The following CADPS2 variants were observed in gnomAD, a reference collection of about 807,000 sequenced individuals.
CADPS2 encodes the protein calcium dependent secretion activator 2, also known as calcium-dependent secretion activator 2.
In CADPS2, 93 loss-of-function variants were observed where a neutral mutation model predicts 172.5. The observed-to-expected ratio is 0.54, with a 90% CI of 0.46 to 0.64. The LOEUF (loss-of-function observed/expected upper bound fraction) is 0.64, where lower values mean the gene tolerates loss of function less well. Among genes scored for constraint, CADPS2 ranks in the 30% least tolerant of loss-of-function variants. The pLI, the probability that CADPS2 is intolerant of heterozygous loss-of-function variation, is 0.00. For synonymous variants in CADPS2, 546 were observed against 555.2 expected (o/e 0.98, Z 0.23); for missense variants, 1,420 against 1,565.9 (o/e 0.91, Z 1.57).
At chr7:122,857,890 T>C (rs1815754981) in intron 1 of CADPS2, among the ~76,000 whole-genome samples, 1 of 152,164 alleles carries the variant, frequency 6.6e-6, no homozygotes, top group Non-Finnish European at 1.5e-5. Context: ...TTGCAGTGGG[T>C]TCGTGGTCTT....
At chr7:122,341,308 T>C (rs2036751364) in intron 28 of CADPS2, among the ~76,000 whole-genome samples, 1 of 152,196 alleles carries the variant, frequency 6.6e-6, no homozygotes, top group Admixed American at 6.5e-5. Context: ...ACTTAGAAAT[T>C]ACTATACTGA....
chr7:122,393,599 G>A lies in CADPS2; in HGVS notation c.2747-17C>T. 6.2e-7 allele frequency: 1 copy of A among 1,613,482 alleles called. No individual in the cohort carries two copies. On this transcript the variant is annotated splice_polypyrimidine_tract_variant and intron_variant, in intron 20 of 29. Coordinates refer to ENST00000449022, the MANE Select transcript of CADPS2 (RefSeq NM_017954.11). Reference sequence around the variant, plus strand: ...ACAAAAGTGCTGAAATAGCCAAGCAGAAACAGTGTTTGTCAGAGGGATAAT... The same window carrying A: ...ACAAAAGTGCTGAAATAGCCAAGCAAAAACAGTGTTTGTCAGAGGGATAAT...
intron 20 of CADPS2, among the ~76,000 whole-genome samples, chr7:122,397,909 C>T (rs1285713029): frequency 6.6e-6 from 1 of 152,086 alleles, no homozygotes; most frequent in African/African-American, 2.4e-5. Context: ...TGATTACCGC[C>T]TGAGGGGAAA....
chr7:122,596,920 G>A (rs1264732977), intron 6 of CADPS2, among the ~76,000 whole-genome samples: 3 of 151,986 alleles, frequency 2.0e-5, no homozygotes, highest in African/African-American at 7.2e-5. Flanking sequence ...TGGAAGACTG[G>A]GTGTCCAGTG....
chr7:122,496,611 ATTTG>A (rs1446885481), intron 9 of CADPS2, among the ~76,000 whole-genome samples: 1 of 151,794 alleles, frequency 6.6e-6, no homozygotes, highest in Non-Finnish European at 1.5e-5. Context: ...CATTTTTATG[ATTTG>A]TTTTTTATGT....
At position 122,328,132 on chromosome 7, in the gene CADPS2, G is replaced by GACACACACACAC. The variant is rs71159790; in HGVS notation, c.3613-2563_3613-2552dup. On this transcript the variant is annotated intron_variant, in intron 28 of 29. Coordinates refer to ENST00000449022, the MANE Select transcript of CADPS2 (RefSeq NM_017954.11). ...GCTTTCTTGTATACAGTAAAATGCA[G>GACACACACACAC]ACACACACACACACACACACACACA... Among the ~76,000 whole-genome samples the GACACACACACAC allele has an allele frequency of 9.7e-3, 1,414 of 145,670 alleles. 9 individuals are homozygous for GACACACACACAC. Among genetic ancestry groups the GACACACACACAC allele is most frequent in the Middle Eastern group, 0.049 (14 of 288 alleles).
chr7:122,565,229 A>AT (rs890567549), intron 7 of CADPS2, among the ~76,000 whole-genome samples: 7 of 147,100 alleles, frequency 4.8e-5, no homozygotes, highest in African/African-American at 1.8e-4. Flanking sequence ...AATTTATAGA[A>AT]TTAAAAAAAA....
chr7:122,591,528 A>T (rs2070808390), intron 6 of CADPS2, among the ~76,000 whole-genome samples: 1 of 152,172 alleles, frequency 6.6e-6, no homozygotes, highest in South Asian at 2.1e-4. Context: ...TGCATTGCCA[A>T]GACAATCCTA....
At chr7:122,367,406 G>A (rs1412004706) in intron 25 of CADPS2, among the ~76,000 whole-genome samples, 1 of 151,852 alleles carries the variant, frequency 6.6e-6, no homozygotes, top group East Asian at 1.9e-4. Flanking sequence ...GAGAATCTAG[G>A]AAGTTGGATA....
intron 9 of CADPS2, among the ~76,000 whole-genome samples, chr7:122,508,647 T>C (rs559537101): frequency 6.6e-6 from 1 of 151,664 alleles, no homozygotes; most frequent in East Asian, 1.9e-4. Flanking sequence ...GATTCTTATA[T>C]GTTGATATGG....
intron 1 of CADPS2, among the ~76,000 whole-genome samples, chr7:122,788,077 T>C (rs1295533490): frequency 1.3e-5 from 2 of 152,106 alleles, no homozygotes; most frequent in Non-Finnish European, 2.9e-5. Context: ...ACAAAGAATG[T>C]AAAAATCTGC....
chr7:122,480,014 A>G (rs181794722), intron 12 of CADPS2: 1 of 441,968 alleles, frequency 2.3e-6, no homozygotes, highest in Non-Finnish European at 4.8e-6. Flanking sequence ...AGTGAAAACC[A>G]GGGTGTGTGC....
intron 6 of CADPS2, among the ~76,000 whole-genome samples, chr7:122,610,014 C>T (rs1217514412): frequency 6.6e-6 from 1 of 152,008 alleles, no homozygotes; most frequent in Admixed American, 6.6e-5. Flanking sequence ...AGGTAATCTG[C>T]CCCTGGGATA....
At chr7:122,858,515 T>C (rs1815974210) in intron 1 of CADPS2, among the ~76,000 whole-genome samples, 1 of 152,178 alleles carries the variant, frequency 6.6e-6, no homozygotes, top group Non-Finnish European at 1.5e-5. Flanking sequence ...TTACATTCTC[T>C]GAGCAAATAC....
chr7:122,329,903 G>A (rs778061314), intron 28 of CADPS2, among the ~76,000 whole-genome samples: 1 of 152,156 alleles, frequency 6.6e-6, no homozygotes, highest in Non-Finnish European at 1.5e-5. Context: ...GGCTTCTGAT[G>A]ATGATGGCAA....
rs572348068 is a variant in CADPS2, at chr7:122,371,960, G to T, written c.3387+7408C>A. ...ATGTACAGAAAGCAACTGGAAATAC[G>T]GGATTTTAGGTGATAAAAATTAGAG... On this transcript the variant is annotated intron_variant, in intron 25 of 29. Transcript: ENST00000449022. Among the ~76,000 whole-genome samples the T allele has an allele frequency of 6.2e-4, 93 of 150,786 alleles. 2 individuals carry two copies. The South Asian group carries it at 0.019, about 31-fold the overall frequency.
intron 8 of CADPS2, among the ~76,000 whole-genome samples, chr7:122,554,310 C>T (rs1359191768): frequency 6.6e-6 from 1 of 152,218 alleles, no homozygotes; most frequent in Non-Finnish European, 1.5e-5. Flanking sequence ...AATACTAACA[C>T]AATCAAGTTC....
rs563697205 is a variant in CADPS2 at position 122,783,558 on chromosome 7, TTC to T, written c.340-46492_340-46491del. Among the ~76,000 whole-genome samples, 266 of 152,308 alleles carry T rather than the reference TTC, an allele frequency of 1.7e-3. 1 individual carries two copies. Among genetic ancestry groups the T allele is most frequent in the African/African-American group, 6.3e-3 (263 of 41,574 alleles). On this transcript the variant is annotated intron_variant, in intron 1 of 29. Coordinates refer to ENST00000449022, the MANE Select transcript of CADPS2 (RefSeq NM_017954.11). ...AATAATGTACACTGACACACAGATA[TTC>T]TGTTTTGCCAGTCCAGCTGAGAGTG... is the stretch of plus-strand genomic sequence containing the variant.
intron 15 of CADPS2, among the ~76,000 whole-genome samples, chr7:122,444,360 T>C (rs965879379): frequency 2.6e-5 from 4 of 152,158 alleles, no homozygotes; most frequent in Admixed American, 2.0e-4. Context: ...GATAAATGTT[T>C]AAATTTTTAA....
Sources: gnomAD v4.1 joint callset for allele counts (sites outside exome capture counted in the v4.1 genomes callset) on GRCh38, gnomAD v4.1.1 for gene constraint, MANE v1.5 for transcripts, NCBI Gene and HGNC (gene_info 2026-07-23, HGNC 2026-07-21) for gene names.